Variants in MYH11 observed in about 807,000 individuals in gnomAD.
MYH11 encodes myosin-11.
Under a neutral mutation model 246.6 loss-of-function variants are expected in MYH11, and 80 were observed. The ratio of observed to expected loss-of-function variants is 0.32; its 90% CI spans 0.27 to 0.39. The LOEUF (loss-of-function observed/expected upper bound fraction) is 0.39. MYH11 is among the 10% of genes least tolerant of loss of function. The probability of loss-of-function intolerance (pLI) is 1.00; values close to 1 mark genes in which losing one functional copy is unlikely to be tolerated. For missense variants in MYH11, 2,158 were observed against 2,546.8 expected (o/e 0.85, Z 3.29); for synonymous variants, 1,071 against 1,015.5 (o/e 1.05, Z -1.04).
chr16:15,797,184 C>A (rs559446424), intron 4 of MYH11, among the ~76,000 whole-genome samples: 1 of 152,278 alleles, frequency 6.6e-6, no homozygotes, highest in East Asian at 1.9e-4. Flanking sequence ...TCTATATCAA[C>A]CCCAAACTTA....
At chr16:15,800,490 G>A (rs1396288273) in intron 3 of MYH11, among the ~76,000 whole-genome samples, 1 of 145,524 alleles carries the variant, frequency 6.9e-6, no homozygotes, top group African/African-American at 2.7e-5. Flanking sequence ...GTATATAGCT[G>A]GTTGGACGGA....
chr16:15,787,275 G>A (rs2042492640), intron 4 of MYH11, among the ~76,000 whole-genome samples: 1 of 151,846 alleles, frequency 6.6e-6, no homozygotes, highest in Non-Finnish European at 1.5e-5. Flanking sequence ...AGGCTTGGTG[G>A]TGCATGCCTG....
intron 2 of MYH11, among the ~76,000 whole-genome samples, chr16:15,833,399 G>GGGAGGAAGGAAC (rs1295352341): frequency 1.3e-5 from 2 of 151,430 alleles, no homozygotes; most frequent in African/African-American, 2.4e-5. Flanking sequence ...AAGGAAGGAA[G>GGGAGGAAGGAAC]GAAGGAAGGA....
Position 15,726,926 on chromosome 16 carries a change from C to A in MYH11, c.3780G>T (p.Gln1260His). Residue 1260 changes from glutamine (Q) to histidine (H), a missense_variant, in exon 28 of 41, where the codon CAG becomes CAT. This residue lies in a region of MYH11 where 1,013 missense variants were observed against 993.5 expected (regional missense o/e 1.02). Coordinates refer to ENST00000300036, the MANE Select transcript of MYH11 (RefSeq NM_002474.3). ...TGCACTTGGACTGCAGCTCCTGCACCTGCGCCTCCAGCTTCTTCTTCTTAT... is the reference window on the plus strand; with the variant it reads ...TGCACTTGGACTGCAGCTCCTGCACATGCGCCTCCAGCTTCTTCTTCTTAT... ...VEHKKKKLEA[Q>H]VQELQSKCSD... is the part of the protein sequence containing the mutation. 6.2e-7 allele frequency: 1 copy of A among 1,613,216 alleles called. No homozygotes were observed. The highest frequency in any genetic ancestry group is 8.5e-7 in the Non-Finnish European group (1 of 1,180,022).
In MYH11 at chr16:15,785,047, A is replaced by G. The variant is rs8051703; in HGVS notation, c.633+1583T>C. On this transcript the variant is annotated intron_variant, in intron 5 of 40. Transcript: ENST00000300036. The stretch of plus-strand genomic sequence containing the variant: ...TTTTTTTTGGTACAGACAGGGTCTC[A>G]CTATGTCACCCAGGCTGGTCCTGAA... 8,647 of 191,954 alleles carry G rather than the reference A, an allele frequency of 0.045. 229 individuals are homozygous for G. Among genetic ancestry groups the G allele is most frequent in the African/African-American group, 0.076 (2,460 of 32,544 alleles). The allele number at this position is 191,954 out of a possible 1,614,324, so 11.9% of individuals were successfully genotyped here.
At chr16:15,763,418 T>C (rs2041911347) in intron 10 of MYH11, among the ~76,000 whole-genome samples, 1 of 152,130 alleles carries the variant, frequency 6.6e-6, no homozygotes, top group African/African-American at 2.4e-5. Context: ...TAGGACGTGA[T>C]GACTCTTGCC....
At chr16:15,754,891 G>A (rs12922440) in intron 14 of MYH11, among the ~76,000 whole-genome samples, 4,738 of 152,168 alleles carry the variant, frequency 0.031, 165 homozygotes, top group East Asian at 0.11. Context: ...TCGCCATGTT[G>A]GCCAGGCTGG....
intron 5 of MYH11, chr16:15,785,467 A>C (rs1343576464): frequency 6.6e-6 from 1 of 151,910 alleles, no homozygotes; most frequent in Non-Finnish European, 1.5e-5. Flanking sequence ...AGGATGCTGA[A>C]TCTTGAGTTT....
At chr16:15,817,234 G>C (rs941966702) in intron 3 of MYH11, among the ~76,000 whole-genome samples, 2 of 152,188 alleles carry the variant, frequency 1.3e-5, no homozygotes, top group South Asian at 4.1e-4. Flanking sequence ...GCTCATGCCT[G>C]TAATCTCAGC....
chr16:15,741,616 C>T lies in MYH11; in HGVS notation c.2706G>A (p.Leu902=). The change falls in exon 22 of 41, where the codon CTG becomes CTA. Residue 902 remains leucine (L), a synonymous_variant. Transcript: ENST00000300036. ...CCCGCATCTCCTCAGCCTCTGCATACAGCTCTGTCTCTGCCTGCAGCTGTT... is the reference window on the plus strand; with the variant it reads ...CCCGCATCTCCTCAGCCTCTGCATATAGCTCTGTCTCTGCCTGCAGCTGTT... The part of the protein sequence containing the change: ...LQEQLQAETE[L]YAEAEEMRVR... The T allele has an allele frequency of 6.2e-7, 1 of 1,613,242 alleles. No individual in the cohort carries two copies. The highest frequency in any genetic ancestry group is 8.5e-7 in the Non-Finnish European group (1 of 1,180,028).
Position 15,717,848 on chromosome 16 carries a change from C to T in MYH11, c.5295+467G>A, listed in dbSNP as rs1209237194. 3 of 265,328 alleles carry T rather than the reference C, an allele frequency of 1.1e-5. No individual in the cohort carries two copies. In the Admixed American group the frequency reaches 1.5e-4, roughly 13 times the overall value. 16.4% of individuals were successfully genotyped at this position (265,328 alleles called of 1,614,324 possible). A position where few individuals can be genotyped will look rare whatever the true frequency, so the allele number is the denominator to read the frequency against. ...AGTGCCACCCAGGCTGAGCGAGTGA[C>T]TTGTCCCTTGCTTTCTCTGTCCTGG... On this transcript the variant is annotated intron_variant, in intron 37 of 40. Transcript: ENST00000300036.
In MYH11 at chr16:15,724,274, G is replaced by A. The variant is rs768512734; in HGVS notation, c.4252C>T (p.Leu1418=). The A allele has an allele frequency of 3.1e-6, 5 of 1,614,206 alleles. No homozygotes were observed. Among genetic ancestry groups the A allele is most frequent in the Non-Finnish European group, 3.4e-6 (4 of 1,180,044 alleles). The change falls in exon 31 of 41, where the codon CTG becomes TTG. Residue 1418 remains leucine (L), a synonymous_variant. Coordinates refer to ENST00000300036, the MANE Select transcript of MYH11 (RefSeq NM_002474.3). ...YEEKAAAYDK[L]EKTKNRLQQE... ...TGAAGCCTGTTCTTGGTCTTTTCCA[G>A]TTTATCATAAGCGGCCGCCTTCTCC...
In MYH11 at chr16:15,758,047, T is replaced by C. The variant is rs145462027; in HGVS notation, c.1402-47A>G. The C allele has an allele frequency of 5.0e-4, 802 of 1,611,852 alleles. 8 individuals are homozygous for C. The African/African-American group carries it at 9.4e-3, about 19-fold the overall frequency. Reference sequence around the variant, plus strand: ...GGGGCGTGAGCATCTTGGTATGAAGTCAGAAGACAAGGAGCCCCACAGAAG... The same window carrying C: ...GGGGCGTGAGCATCTTGGTATGAAGCCAGAAGACAAGGAGCCCCACAGAAG... On this transcript the variant is annotated intron_variant, in intron 12 of 40. Coordinates refer to ENST00000300036, the MANE Select transcript of MYH11 (RefSeq NM_002474.3).
chr16:15,755,324 A>G (rs1461124531), intron 14 of MYH11, among the ~76,000 whole-genome samples: 1 of 152,224 alleles, frequency 6.6e-6, no homozygotes, highest in Non-Finnish European at 1.5e-5. Context: ...GATGATGAAT[A>G]CAACTATCAT....
At chr16:15,704,167 A>G (rs753021112) in intron 40 of MYH11, 44 bp from the exon 41 acceptor site, 2 of 1,610,000 alleles carry the variant, frequency 1.2e-6, no homozygotes, top group Admixed American at 3.3e-5. Context: ...AGAAATCTTC[A>G]TGGTTGGGAT....
chr16:15,807,112 C>G (rs948978536), intron 3 of MYH11, among the ~76,000 whole-genome samples: 1 of 152,150 alleles, frequency 6.6e-6, no homozygotes, highest in African/African-American at 2.4e-5. Flanking sequence ...CAGGTGCATG[C>G]CACTACGCCT....
intron 1 of MYH11, among the ~76,000 whole-genome samples, chr16:15,839,261 A>G (rs2043988244): frequency 6.6e-6 from 1 of 152,150 alleles, no homozygotes. Flanking sequence ...GTAAAAGGAA[A>G]GAAATTATGC....
chr16:15,786,378 G>A, intron 5 of MYH11: 1 of 664,722 alleles, frequency 1.5e-6, no homozygotes, highest in Non-Finnish European at 2.8e-6. Flanking sequence ...ATCTCGCTAT[G>A]GAAGGAAAGG....
chr16:15,771,053 G>C (rs1169421042), intron 9 of MYH11, among the ~76,000 whole-genome samples: 1 of 151,510 alleles, frequency 6.6e-6, no homozygotes. Flanking sequence ...GGAGTGGAGT[G>C]GTGTAATCTT....
Sources: gnomAD v4.1 joint callset for allele counts (sites outside exome capture counted in the v4.1 genomes callset) on GRCh38, gnomAD v4.1.1 for gene constraint, gnomAD v4.1.1 regional missense constraint, MANE v1.5 for transcripts, NCBI Gene and HGNC (gene_info 2026-07-23, HGNC 2026-07-21) for gene names.